MACROD2: variants seen among roughly 807,000 people sequenced by gnomAD.
MACROD2 encodes mono-ADP ribosylhydrolase 2.
A neutral mutation model predicts 70.4 loss-of-function variants in MACROD2; 36 were observed. The ratio of observed to expected loss-of-function variants is 0.51; its 90% CI spans 0.39 to 0.68. The LOEUF (loss-of-function observed/expected upper bound fraction) is 0.68. Ranked by LOEUF, MACROD2 falls within the 30% of genes least tolerant of loss-of-function variation. The pLI is 0.00. For missense variants in MACROD2, 496 were observed against 538.4 expected (o/e 0.92, Z 0.78); for synonymous variants, 172 against 178.8 (o/e 0.96, Z 0.30).
At chr20:15,853,465 C>T (rs2064322530) in intron 8 of MACROD2, among the ~76,000 whole-genome samples, 1 of 152,026 alleles carries the variant, frequency 6.6e-6, no homozygotes, top group Non-Finnish European at 1.5e-5. Flanking sequence ...TCTAGGTGGG[C>T]CTAACTTCAT....
chr20:15,380,232 A>C (rs975719428), intron 6 of MACROD2, among the ~76,000 whole-genome samples: 1 of 152,172 alleles, frequency 6.6e-6, no homozygotes, highest in Admixed American at 6.5e-5. Flanking sequence ...TAGATGTCTT[A>C]TTCATCTATT....
intron 8 of MACROD2, among the ~76,000 whole-genome samples, chr20:15,523,710 A>T (rs1448019925): frequency 1.3e-5 from 2 of 152,164 alleles, no homozygotes; most frequent in Non-Finnish European, 2.9e-5. Context: ...TTTAGAATAG[A>T]CTGGGGGGTG....
rs556902799 is a variant in MACROD2 at position 14,300,960 on chromosome 20, G to A, written c.272-192519G>A. On this transcript the variant is annotated intron_variant, in intron 3 of 17. Coordinates refer to ENST00000684519, the MANE Select transcript of MACROD2 (RefSeq NM_001351661.2). ...ACAGTTATAAGGAAAAGCTGTGGCCGTCTTAATAATAGCTAAGATATATTG... is the reference window on the plus strand; with the variant it reads ...ACAGTTATAAGGAAAAGCTGTGGCCATCTTAATAATAGCTAAGATATATTG... Among the ~76,000 whole-genome samples, 18 of 152,278 alleles carry A rather than the reference G, an allele frequency of 1.2e-4. No homozygotes were observed. In the East Asian group the frequency reaches 2.1e-3, roughly 18 times the overall value.
chr20:15,855,093 A>T lies in MACROD2; in HGVS notation c.646-7652A>T, dbSNP rs116354122. 2.1e-3 allele frequency among the ~76,000 whole-genome samples: 317 copies of T among 152,264 alleles called. 1 individual carries two copies. Among genetic ancestry groups the T allele is most frequent in the African/African-American group, 7.4e-3 (308 of 41,562 alleles). ...CTAAATGTTGGTTGTTGGGGAAGCAAATTACATTCATCAGAATCCATTCAT... is the reference window on the plus strand; with the variant it reads ...CTAAATGTTGGTTGTTGGGGAAGCATATTACATTCATCAGAATCCATTCAT... On this transcript the variant is annotated intron_variant, in intron 8 of 17. Coordinates refer to ENST00000684519, the MANE Select transcript of MACROD2 (RefSeq NM_001351661.2).
At chr20:14,759,808 T>C (rs2071990448) in intron 5 of MACROD2, among the ~76,000 whole-genome samples, 1 of 152,112 alleles carries the variant, frequency 6.6e-6, no homozygotes, top group Non-Finnish European at 1.5e-5. Context: ...TTTATTGTAC[T>C]GTGTGATTTC....
intron 5 of MACROD2, among the ~76,000 whole-genome samples, chr20:14,981,450 ATATG>A (rs1420518562): frequency 2.5e-3 from 164 of 65,338 alleles, no homozygotes; most frequent in African/African-American, 2.8e-3. Context: ...ATATATATAT[ATATG>A]TGTGTGTGTG....
intron 8 of MACROD2, among the ~76,000 whole-genome samples, chr20:15,609,375 C>T (rs1372992823): frequency 3.9e-5 from 6 of 152,164 alleles, no homozygotes; most frequent in African/African-American, 9.7e-5. Flanking sequence ...AGCTCCTATT[C>T]GTCTTGCCAA....
At chr20:15,904,046 T>G (rs2065105461) in intron 10 of MACROD2, among the ~76,000 whole-genome samples, 1 of 152,232 alleles carries the variant, frequency 6.6e-6, no homozygotes, top group Non-Finnish European at 1.5e-5. Context: ...TTATGCTTAA[T>G]TCAAACATTG....
chr20:15,492,038 C>A (rs1036342335), intron 7 of MACROD2, among the ~76,000 whole-genome samples: 1 of 152,326 alleles, frequency 6.6e-6, no homozygotes, highest in East Asian at 1.9e-4. Flanking sequence ...TGCTCCTGGG[C>A]GAAGCCAGTG....
Position 15,575,941 on chromosome 20 carries a change from A to G in MACROD2, c.645+76094A>G, listed in dbSNP as rs182704609. On this transcript the variant is annotated intron_variant, in intron 8 of 17. Coordinates refer to ENST00000684519, the MANE Select transcript of MACROD2 (RefSeq NM_001351661.2). Reference sequence around the variant, plus strand: ...TTTATATATTTTAAAACACATTTCAATCATTTGCTCTATCTTTACTTTTAA... The same window carrying G: ...TTTATATATTTTAAAACACATTTCAGTCATTTGCTCTATCTTTACTTTTAA... 3.2e-3 allele frequency among the ~76,000 whole-genome samples: 493 copies of G among 152,296 alleles called. 1 individual carries two copies. The highest frequency in any genetic ancestry group is 0.011 in the African/African-American group (472 of 41,564).
chr20:15,387,368 TTCTTCCC>T (rs1487814492), intron 6 of MACROD2, among the ~76,000 whole-genome samples: 4 of 123,262 alleles, frequency 3.2e-5, no homozygotes, highest in East Asian at 5.7e-4. Flanking sequence ...TCCTCTCCCT[TTCTTCCC>T]TCTCTTCCTA....
intron 2 of MACROD2, among the ~76,000 whole-genome samples, chr20:14,043,546 G>A (rs1421831296): frequency 3.3e-5 from 5 of 152,166 alleles, no homozygotes; most frequent in African/African-American, 7.2e-5. Context: ...TTGAAGAACT[G>A]TGTAGAAATG....
At chr20:14,614,873 A>G (rs1398865642) in intron 4 of MACROD2, among the ~76,000 whole-genome samples, 2 of 152,104 alleles carry the variant, frequency 1.3e-5, no homozygotes, top group African/African-American at 4.8e-5. Flanking sequence ...CATGACTTTA[A>G]TAGAAGGGAA....
At chr20:14,141,700 G>T (rs1201183666) in intron 3 of MACROD2, among the ~76,000 whole-genome samples, 1 of 123,870 alleles carries the variant, frequency 8.1e-6, no homozygotes, top group Non-Finnish European at 1.6e-5. Flanking sequence ...AGCCGAGACT[G>T]AGCCATTGCA....
At chr20:15,427,133 T>C (rs2146350452) in intron 6 of MACROD2, among the ~76,000 whole-genome samples, 1 of 152,340 alleles carries the variant, frequency 6.6e-6, no homozygotes, top group Non-Finnish European at 1.5e-5. Flanking sequence ...CAATACTCTA[T>C]TTCCATCTCT....
chr20:15,090,882 A>G (rs530033782), intron 5 of MACROD2, among the ~76,000 whole-genome samples: 6 of 152,078 alleles, frequency 3.9e-5, no homozygotes, highest in Non-Finnish European at 8.8e-5. Flanking sequence ...AGATATTATC[A>G]TTGTCATATA....
rs531251147 is a variant in MACROD2 at position 15,993,974 on chromosome 20, C to A, written c.1153+6816C>A. Among the ~76,000 whole-genome samples the A allele has an allele frequency of 3.9e-5, 6 of 152,266 alleles. No homozygotes were observed. In the South Asian group the frequency reaches 1.2e-3, roughly 32 times the overall value. ...GGATTATCTGGAGGGTGACACCCAA[C>A]CTTCCACCCCAGTGACACCCAGGGA... On this transcript the variant is annotated intron_variant, in intron 15 of 17. Coordinates refer to ENST00000684519, the MANE Select transcript of MACROD2 (RefSeq NM_001351661.2).
intron 5 of MACROD2, among the ~76,000 whole-genome samples, chr20:14,957,742 C>T (rs1001763320): frequency 6.6e-6 from 1 of 152,014 alleles, no homozygotes; most frequent in Non-Finnish European, 1.5e-5. Context: ...CTCTGGGTAT[C>T]GTTTTACATA....
chr20:14,630,259 A>G (rs1452794905), intron 4 of MACROD2, among the ~76,000 whole-genome samples: 1 of 152,156 alleles, frequency 6.6e-6, no homozygotes, highest in Non-Finnish European at 1.5e-5. Flanking sequence ...GTCAGAATGG[A>G]GAAAAAGCAA....
Sources: allele counts gnomAD v4.1 joint callset (sites outside exome capture counted in the v4.1 genomes callset), GRCh38; gene constraint gnomAD v4.1.1; transcripts MANE v1.5; gene names NCBI Gene and HGNC (gene_info 2026-07-23, HGNC 2026-07-21).